Variants in ROBO2 observed in about 807,000 individuals in gnomAD.
ROBO2 encodes the protein roundabout homolog 2.
In ROBO2, 53 loss-of-function variants were observed where a neutral mutation model predicts 160.8. The observed-to-expected ratio is 0.33, with a 90% CI of 0.26 to 0.41. ROBO2 has a LOEUF of 0.41. Among genes scored for constraint, ROBO2 ranks in the 10% least tolerant of loss-of-function variants. The pLI, the probability that ROBO2 is intolerant of heterozygous loss-of-function variation, is 1.00. For missense variants in ROBO2, 1,577 were observed against 1,722.4 expected, an observed-to-expected ratio of 0.92 and a Z score of 1.49; for synonymous variants, 664 against 611.7, an observed-to-expected ratio of 1.09 and a Z score of -1.26.
chr3:77,198,724 A>T (rs747147999), intron 2 of ROBO2, among the ~76,000 whole-genome samples: 4 of 152,092 alleles, frequency 2.6e-5, no homozygotes, highest in Non-Finnish European at 5.9e-5. Context: ...AATATGGTGA[A>T]ACCCTGTCTC....
At chr3:77,558,199 G>A in intron 9 of ROBO2, 50 bp downstream of exon 10, 1 of 1,481,188 alleles carries the variant, frequency 6.8e-7, no homozygotes, top group East Asian at 2.3e-5. Flanking sequence ...CATAAGTACT[G>A]CTCTATGGAA....
At chr3:76,246,149 T>C (rs542094295) in intron 2 of ROBO2, among the ~76,000 whole-genome samples, 1 of 152,222 alleles carries the variant, frequency 6.6e-6, no homozygotes, top group Non-Finnish European at 1.5e-5. Flanking sequence ...AACCAGATTA[T>C]TTTTTCAATG....
At chr3:76,092,445 G>T (rs2069273891) in intron 2 of ROBO2, among the ~76,000 whole-genome samples, 1 of 152,106 alleles carries the variant, frequency 6.6e-6, no homozygotes, top group South Asian at 2.1e-4. Context: ...TTCAATAGCT[G>T]TGTGATTTAT....
chr3:76,871,369 A>T (rs1308050487), intron 2 of ROBO2, among the ~76,000 whole-genome samples: 4 of 151,450 alleles, frequency 2.6e-5, no homozygotes, highest in African/African-American at 9.7e-5. Context: ...CCCGGCTAAA[A>T]CGGTGAAACC....
chr3:76,167,687 A>G (rs1221015984), intron 2 of ROBO2, among the ~76,000 whole-genome samples: 1 of 152,152 alleles, frequency 6.6e-6, no homozygotes, highest in East Asian at 1.9e-4. Flanking sequence ...TTCTCCTTTT[A>G]TTATAGTATT....
chr3:77,604,972 C>G (rs907297071), intron 20 of ROBO2, among the ~76,000 whole-genome samples: 1 of 151,648 alleles, frequency 6.6e-6, no homozygotes, highest in Non-Finnish European at 1.5e-5. Context: ...AAATCACCAG[C>G]CTGAGCAACA....
intron 2 of ROBO2, among the ~76,000 whole-genome samples, chr3:76,924,304 C>T (rs959288234): frequency 6.6e-6 from 1 of 152,120 alleles, no homozygotes; most frequent in Non-Finnish European, 1.5e-5. Flanking sequence ...GATGAGAACA[C>T]GGGGGCGGCA....
At chr3:76,519,138 G>A (rs1282486402) in intron 2 of ROBO2, among the ~76,000 whole-genome samples, 1 of 152,162 alleles carries the variant, frequency 6.6e-6, no homozygotes, top group Non-Finnish European at 1.5e-5. Context: ...ACCCAGACAT[G>A]AGGAATAGGT....
chr3:76,128,228 C>A (rs2071078712), intron 2 of ROBO2, among the ~76,000 whole-genome samples: 1 of 152,078 alleles, frequency 6.6e-6, no homozygotes, highest in South Asian at 2.1e-4. Context: ...TGTAAAGCAG[C>A]AACACTGAAA....
chr3:77,456,123 A>C (rs1440451691), intron 2 of ROBO2, among the ~76,000 whole-genome samples: 1 of 152,196 alleles, frequency 6.6e-6, no homozygotes. Context: ...ATGCCATAAT[A>C]TCATAGCACA....
chr3:76,882,104 GTGTGTGTGTC>G lies in ROBO2; in HGVS notation c.110-215900_110-215891del, dbSNP rs1302323721. Among the ~76,000 whole-genome samples, 716 of 150,416 alleles carry G rather than the reference GTGTGTGTGTC, an allele frequency of 4.8e-3. 5 individuals carry two copies. Among genetic ancestry groups the G allele is most frequent in the African/African-American group, 0.016 (647 of 41,040 alleles). ...AGGTTGGTTGTGTGTGTGTGTGTGT[GTGTGTGTGTC>G]TGTGTGTGTGTCTTTTGGGTGGTAG... On this transcript the variant is annotated intron_variant, in intron 2 of 26. Coordinates refer to the ROBO2 transcript ENST00000487694.
intron 2 of ROBO2, among the ~76,000 whole-genome samples, chr3:76,765,642 T>A (rs13319765): frequency 0.019 from 2,937 of 151,718 alleles, 90 homozygotes; most frequent in African/African-American, 0.066. Context: ...CTGTAAGTGC[T>A]CCACTTGAAA....
At chr3:76,461,908 G>T (rs2078105508) in intron 2 of ROBO2, among the ~76,000 whole-genome samples, 1 of 152,078 alleles carries the variant, frequency 6.6e-6, no homozygotes, top group African/African-American at 2.4e-5. Context: ...GAGAGAATAA[G>T]AGCAAAAACT....
intron 2 of ROBO2, among the ~76,000 whole-genome samples, chr3:77,144,733 G>A (rs2076985818): frequency 1.3e-5 from 2 of 152,144 alleles, no homozygotes; most frequent in Admixed American, 6.6e-5. Flanking sequence ...TAGAAAGTAA[G>A]CTGACTGGGA....
At chr3:76,717,187 G>C (rs115712121) in intron 2 of ROBO2, among the ~76,000 whole-genome samples, 1 of 152,010 alleles carries the variant, frequency 6.6e-6, no homozygotes, top group African/African-American at 2.4e-5. Context: ...TTCATGAAAG[G>C]TAGCTTGAAG....
intron 2 of ROBO2, among the ~76,000 whole-genome samples, chr3:76,704,123 C>T (rs2093107017): frequency 6.6e-6 from 1 of 151,856 alleles, no homozygotes; most frequent in Non-Finnish European, 1.5e-5. Flanking sequence ...TCTGAGTTTT[C>T]CTGTAATGTC....
At chr3:76,728,893 AG>A (rs1294262760) in intron 2 of ROBO2, among the ~76,000 whole-genome samples, 2 of 139,920 alleles carry the variant, frequency 1.4e-5, no homozygotes, top group Non-Finnish European at 3.1e-5. Context: ...CAGTAGTAAA[AG>A]TATTGACCAT....
At chr3:77,519,192 G>A (rs753374633) in intron 5 of ROBO2, among the ~76,000 whole-genome samples, 24 of 151,120 alleles carry the variant, frequency 1.6e-4, no homozygotes, top group Non-Finnish European at 3.0e-4. Flanking sequence ...CCTGATCAAC[G>A]TACCATTAAT....
At chr3:76,377,053 C>T (rs1310064823) in intron 2 of ROBO2, among the ~76,000 whole-genome samples, 2 of 152,130 alleles carry the variant, frequency 1.3e-5, no homozygotes, top group Non-Finnish European at 2.9e-5. Flanking sequence ...CTGTCATCAA[C>T]AAAGTAGGCC....
Sources: gnomAD v4.1 joint callset for allele counts (sites outside exome capture counted in the v4.1 genomes callset) on GRCh38, gnomAD v4.1.1 for gene constraint, MANE v1.5 for transcripts, NCBI Gene and HGNC (gene_info 2026-07-23, HGNC 2026-07-21) for gene names.